The following SCML4 variants were observed in gnomAD, a reference collection of about 807,000 sequenced individuals.
SCML4 encodes the protein Scm polycomb group protein like 4.
In SCML4, 34 loss-of-function variants were observed where a neutral mutation model predicts 41.1. That is an observed-to-expected ratio of 0.83 (90% CI 0.63 to 1.10). SCML4 has a LOEUF of 1.10. SCML4 is among the 50% of genes least tolerant of loss of function. SCML4 has a pLI of 0.00. For synonymous variants in SCML4, 214 were observed against 220.9 expected (o/e 0.97, Z 0.28); for missense variants, 522 against 534.1 (o/e 0.98, Z 0.22).
At chr6:107,829,692 A>G in the SCML4 span, among the ~76,000 whole-genome samples, 1 of 152,218 alleles carries the variant, frequency 6.6e-6, no homozygotes, top group African/African-American at 2.4e-5. Flanking sequence ...ACCATGGCAC[A>G]TGTATACCTA....
At chr6:107,726,187 AG>A (rs1310196029) in intron 5 of SCML4, among the ~76,000 whole-genome samples, 1 of 151,950 alleles carries the variant, frequency 6.6e-6, no homozygotes, top group Non-Finnish European at 1.5e-5. Flanking sequence ...ATCTTGTAAA[AG>A]GGGCTAGACT....
intron 1 of SCML4, among the ~76,000 whole-genome samples, chr6:107,794,541 T>C (rs1297411543): frequency 6.6e-6 from 1 of 152,180 alleles, no homozygotes; most frequent in Non-Finnish European, 1.5e-5. Context: ...AAAGAACATA[T>C]TATATGTATA....
chr6:107,802,377 T>C (rs902678725), intron 1 of SCML4, among the ~76,000 whole-genome samples: 1 of 152,070 alleles, frequency 6.6e-6, no homozygotes, highest in African/African-American at 2.4e-5. Flanking sequence ...TATGGGCATA[T>C]GGGAGTGAAA....
At chr6:107,705,786 C>G (rs966733747) in intron 7 of SCML4, among the ~76,000 whole-genome samples, 1 of 152,160 alleles carries the variant, frequency 6.6e-6, no homozygotes, top group Non-Finnish European at 1.5e-5. Flanking sequence ...GCAACTCATT[C>G]CACCTATGGA....
intron 5 of SCML4, among the ~76,000 whole-genome samples, chr6:107,733,304 G>T (rs1776738376): frequency 6.6e-6 from 1 of 152,224 alleles, no homozygotes; most frequent in African/African-American, 2.4e-5. Flanking sequence ...TGCATGTCCA[G>T]ATTGGAAGTT....
intron 1 of SCML4, among the ~76,000 whole-genome samples, chr6:107,775,336 G>T (rs556491819): frequency 1.3e-5 from 2 of 152,204 alleles, no homozygotes; most frequent in Non-Finnish European, 2.9e-5. Flanking sequence ...CCTGAGCTTA[G>T]AGTTCCTCAA....
chr6:107,823,916 T>G (rs1168995201), intron 1 of SCML4, among the ~76,000 whole-genome samples: 1 of 152,240 alleles, frequency 6.6e-6, no homozygotes, highest in East Asian at 1.9e-4. Context: ...CTCTGAGATC[T>G]GGTTAATAAA....
At chr6:107,749,870 C>A in intron 2 of SCML4, 57 bp from the exon 3 acceptor site, 1 of 1,584,908 alleles carries the variant, frequency 6.3e-7, no homozygotes. Flanking sequence ...CTACACTCTT[C>A]CAGATTCTGT....
At chr6:107,785,692 C>A (rs1490102436) in intron 1 of SCML4, among the ~76,000 whole-genome samples, 1 of 152,202 alleles carries the variant, frequency 6.6e-6, no homozygotes, top group Non-Finnish European at 1.5e-5. Context: ...CCTCTGCACT[C>A]CCCTCCTGAC....
At chr6:107,754,190 C>A (rs557712514) in intron 2 of SCML4, among the ~76,000 whole-genome samples, 1 of 152,262 alleles carries the variant, frequency 6.6e-6, no homozygotes, top group South Asian at 2.1e-4. Flanking sequence ...AAGGGAACCT[C>A]TATATTAATC....
At chr6:107,813,403 TATATATATATATATATATATAAAA>T (rs1272340717) in intron 1 of SCML4, among the ~76,000 whole-genome samples, 1 of 58,214 alleles carries the variant, frequency 1.7e-5, no homozygotes, top group Non-Finnish European at 3.0e-5. Context: ...TATATATATA[TATATATATATATATATATATAAAA>T]CTGTAAAATT....
the SCML4 span, among the ~76,000 whole-genome samples, chr6:107,833,554 T>C: frequency 6.6e-6 from 1 of 152,080 alleles, no homozygotes; most frequent in Non-Finnish European, 1.5e-5. Flanking sequence ...CATCTGGGAA[T>C]GGATCCTTGG....
upstream of SCML4, among the ~76,000 whole-genome samples, chr6:107,824,946 A>T (rs554271157): frequency 2.0e-4 from 31 of 152,240 alleles, no homozygotes; most frequent in African/African-American, 7.0e-4. Flanking sequence ...GGCTGCCCAC[A>T]ACATATGTGT....
At chr6:107,771,115 C>T (rs1007903403) in intron 2 of SCML4, among the ~76,000 whole-genome samples, 1 of 152,192 alleles carries the variant, frequency 6.6e-6, no homozygotes, top group African/African-American at 2.4e-5. Context: ...CCAATGACCC[C>T]ACAATAACTT....
intron 1 of SCML4, among the ~76,000 whole-genome samples, chr6:107,800,017 T>G (rs1390989199): frequency 6.6e-6 from 1 of 152,006 alleles, no homozygotes; most frequent in Non-Finnish European, 1.5e-5. Flanking sequence ...GTTTTTTGTT[T>G]TGTTTTGTTG....
At position 107,772,344 on chromosome 6, in the gene SCML4, C is replaced by CT. The variant is rs1181209822; in HGVS notation, c.-18dup. 5.8e-6 allele frequency: 9 copies of CT among 1,546,042 alleles called. No individual in the cohort carries two copies. In the South Asian group the frequency reaches 1.1e-4, roughly 19 times the overall value. On this transcript the variant is annotated 5_prime_UTR_variant, in exon 2 of 8. Coordinates refer to ENST00000369020, the MANE Select transcript of SCML4 (RefSeq NM_198081.5). ...AGACTGCATTTCTGCTGGTGCCAGT[C>CT]TTACAGAATGAGGTGACAAATCGCT...
chr6:107,713,375 C>T (rs1034883305), intron 6 of SCML4, among the ~76,000 whole-genome samples: 5 of 152,166 alleles, frequency 3.3e-5, no homozygotes. Context: ...GATCTCTAAG[C>T]CCCTGCCAGC....
At chr6:107,831,548 G>C in the SCML4 span, among the ~76,000 whole-genome samples, 1 of 152,044 alleles carries the variant, frequency 6.6e-6, no homozygotes. Context: ...TGAACCTAGA[G>C]ACTGGGACTG....
chr6:107,802,585 A>AGGAC (rs201387084), intron 1 of SCML4, among the ~76,000 whole-genome samples: 1,102 of 102,144 alleles, frequency 0.011, 61 homozygotes, highest in African/African-American at 0.045. Flanking sequence ...GGAGGGAGGA[A>AGGAC]GGAAGGAAGG....
Sources: gnomAD v4.1 joint callset for allele counts (sites outside exome capture counted in the v4.1 genomes callset) on GRCh38, gnomAD v4.1.1 for gene constraint, MANE v1.5 for transcripts, NCBI Gene and HGNC (gene_info 2026-07-23, HGNC 2026-07-21) for gene names.